Variants in CALHM5 observed in about 807,000 individuals in gnomAD.
The protein encoded by CALHM5 is calcium homeostasis modulator protein 5.
In CALHM5, 17 loss-of-function variants were observed where a neutral mutation model predicts 20.9. The observed-to-expected ratio is 0.82, with a 90% CI of 0.56 to 1.22. CALHM5 has a LOEUF of 1.22. Ranked by LOEUF, CALHM5 falls within the 50% of genes most tolerant of loss-of-function variation. The pLI is 0.00. For synonymous variants in CALHM5, 148 were observed against 140.0 expected, an observed-to-expected ratio of 1.06 and a Z score of -0.40; for missense variants, 360 against 364.6, an observed-to-expected ratio of 0.99 and a Z score of 0.10.
At position 116,511,954 on chromosome 6, in the gene CALHM5, A is replaced by G. The variant is rs1207361302; in HGVS notation, c.258A>G (p.Lys86=). The G allele has an allele frequency of 6.2e-7, 1 of 1,613,966 alleles. No homozygotes were observed. The highest frequency in any genetic ancestry group is 1.1e-5 in the South Asian group (1 of 91,084). The change falls in exon 1 of 2, where the codon AAA becomes AAG. Residue 86 remains lysine (K), a synonymous_variant. Transcript: ENST00000368599. ...CAGGCTGCTGTGTGAATCCCAGGAA[A>G]ATCTTTCCCAGAGGCCACAGCTGCC... ...LFTGCCVNPR[K]IFPRGHSCRF...
Position 116,521,205 on chromosome 6 carries a change from T to A in CALHM5, c.*5216T>A, listed in dbSNP as rs528842365. The A allele has an allele frequency of 6.6e-6, 1 of 152,044 alleles. No individual in the cohort carries two copies. Among genetic ancestry groups the A allele is most frequent in the Non-Finnish European group, 1.5e-5 (1 of 68,026 alleles). 9.4% of individuals were successfully genotyped at this position (152,044 alleles called of 1,614,324 possible). Reference sequence around the variant, plus strand: ...TGACAAATATATAACAAAATATATGTGCTATATATATTGTGTGTGTATATA... The same window carrying A: ...TGACAAATATATAACAAAATATATGAGCTATATATATTGTGTGTGTATATA... On this transcript the variant is annotated 3_prime_UTR_variant, in exon 2 of 2. Coordinates refer to ENST00000368599, the MANE Select transcript of CALHM5 (RefSeq NM_153711.5).
Position 116,512,195 on chromosome 6 carries a change from G to T in CALHM5, c.499G>T (p.Val167Phe). 1 of 1,607,556 alleles carries T rather than the reference G, an allele frequency of 6.2e-7. No homozygotes were observed. Among genetic ancestry groups the T allele is most frequent in the Admixed American group, 1.7e-5 (1 of 59,954 alleles). The stretch of plus-strand genomic sequence containing the variant: ...TGGCAAAACTAGCATGCTACCTACC[G>T]TCAATGAAGAACTGAAACTCTCCCT... ...SCGKTSMLPT[V>F]NEELKLSLQA... Residue 167 changes from valine (V) to phenylalanine (F), a missense_variant, in exon 1 of 2, where the codon GTC becomes TTC. Physicochemically the swap from Val to Phe is conservative, Grantham distance 50. Transcript: ENST00000368599.
rs151271478 is a variant in CALHM5 at position 116,512,131 on chromosome 6, G to A, written c.435G>A (p.Lys145=). The change falls in exon 1 of 2, where the codon AAG becomes AAA. Residue 145 remains lysine, a synonymous_variant. Coordinates refer to ENST00000368599, the MANE Select transcript of CALHM5 (RefSeq NM_153711.5). ...SGLLELICKG[K]PKECWEELHK... ...TCCTGGAACTGATTTGCAAGGGTAA[G>A]CCCAAAGAGTGCTGGGAAGAACTTC... 4.3e-4 allele frequency: 691 copies of A among 1,613,908 alleles called. 2 individuals are homozygous for A. Among genetic ancestry groups the A allele is most frequent in the African/African-American group, 3.9e-3 (289 of 75,044 alleles).
rs781003506 is a variant in CALHM5, at chr6:116,515,908, A to C, written c.849A>C (p.Arg283Ser). ...QSQQHYSTLHRVVDNGLQLSP... is the reference protein window; with the variant it reads ...QSQQHYSTLHSVVDNGLQLSP... ...AGCAACACTATAGCACCCTCCACAG[A>C]GTGGTGGACAATGGTCTGCAACTTA... The change falls in exon 2 of 2, where the codon AGA becomes AGC. Residue 283 changes from arginine to serine, a missense_variant. Coordinates refer to ENST00000368599, the MANE Select transcript of CALHM5 (RefSeq NM_153711.5). 3.1e-6 allele frequency: 5 copies of C among 1,613,804 alleles called. No individual in the cohort carries two copies. Among genetic ancestry groups the C allele is most frequent in the Non-Finnish European group, 4.2e-6 (5 of 1,179,826 alleles).
In CALHM5 at chr6:116,524,626, T is replaced by G. The variant is rs1772411334; in HGVS notation, c.*8637T>G. The G allele has an allele frequency of 6.6e-6, 1 of 152,200 alleles. No homozygotes were observed. Among genetic ancestry groups the G allele is most frequent in the African/African-American group, 2.4e-5 (1 of 41,458 alleles). The allele number at this position is 152,200 out of a possible 1,614,324, so 9.4% of individuals were successfully genotyped here. ...TCTTTCTTTATTACTAACAAGATGTTTTATCCTATATTCTCATTGGTTTCT... is the reference window on the plus strand; with the variant it reads ...TCTTTCTTTATTACTAACAAGATGTGTTATCCTATATTCTCATTGGTTTCT... On this transcript the variant is annotated 3_prime_UTR_variant, in exon 2 of 2. Coordinates refer to ENST00000368599, the MANE Select transcript of CALHM5 (RefSeq NM_153711.5).
rs911042144 is a variant in CALHM5, at chr6:116,523,288, T to C, written c.*7299T>C. 3 of 152,202 alleles carry C rather than the reference T, an allele frequency of 2.0e-5. No homozygotes were observed. Among genetic ancestry groups the C allele is most frequent in the African/African-American group, 7.2e-5 (3 of 41,460 alleles). 9.4% of individuals were successfully genotyped at this position (152,202 alleles called of 1,614,324 possible). On this transcript the variant is annotated 3_prime_UTR_variant, in exon 2 of 2. Coordinates refer to ENST00000368599, the MANE Select transcript of CALHM5 (RefSeq NM_153711.5). ...TCATTCAAGGATATATTTTGTCCTT[T>C]AGGAATATTTTAAAGTTTACTTCAC... is the stretch of plus-strand genomic sequence containing the variant.
At position 116,511,907 on chromosome 6, in the gene CALHM5, A is replaced by G; in HGVS notation, c.211A>G (p.Asn71Asp). The G allele has an allele frequency of 1.2e-6, 2 of 1,613,978 alleles. No homozygotes were observed. The highest frequency in any genetic ancestry group is 2.2e-5 in the South Asian group (2 of 91,080). Reference protein sequence around the residue: ...VLLILGFFLNNRSWRLFTGCC... With the variant: ...VLLILGFFLNDRSWRLFTGCC... Reference sequence around the variant, plus strand: ...ACTGATCCTGGGATTCTTTCTGAACAATAGGTCGTGGAGACTCTTCACAGG... The same window carrying G: ...ACTGATCCTGGGATTCTTTCTGAACGATAGGTCGTGGAGACTCTTCACAGG... The change falls in exon 1 of 2, where the codon AAT becomes GAT. Residue 71 changes from asparagine to aspartate, a missense_variant. Physicochemically the swap from Asn to Asp is conservative, Grantham distance 23. Coordinates refer to ENST00000368599, the MANE Select transcript of CALHM5 (RefSeq NM_153711.5).
At position 116,522,446 on chromosome 6, in the gene CALHM5, A is replaced by G. The variant is rs1772363181; in HGVS notation, c.*6457A>G. The G allele has an allele frequency of 6.6e-6, 1 of 152,250 alleles. No homozygotes were observed. The highest frequency in any genetic ancestry group is 6.5e-5 in the Admixed American group (1 of 15,288). 9.4% of individuals were successfully genotyped at this position (152,250 alleles called of 1,614,324 possible). A position where few individuals can be genotyped will look rare whatever the true frequency, so the allele number is the denominator to read the frequency against. ...AAAATTACAGGCAAATTGTATTTAT[A>G]CATTTATACATTCTCCCTATGCATA... On this transcript the variant is annotated 3_prime_UTR_variant, in exon 2 of 2. Coordinates refer to ENST00000368599, the MANE Select transcript of CALHM5 (RefSeq NM_153711.5).
In CALHM5 at chr6:116,511,932, G is replaced by T; in HGVS notation, c.236G>T (p.Gly79Val). Reference sequence around the variant, plus strand: ...AATAGGTCGTGGAGACTCTTCACAGGCTGCTGTGTGAATCCCAGGAAAATC... The same window carrying T: ...AATAGGTCGTGGAGACTCTTCACAGTCTGCTGTGTGAATCCCAGGAAAATC... ...LNNRSWRLFT[G>V]CCVNPRKIFP... is the part of the protein sequence containing the mutation. Residue 79 changes from glycine to valine, a missense_variant, in exon 1 of 2, where the codon GGC (glycine) becomes GTC (valine). Coordinates refer to ENST00000368599, the MANE Select transcript of CALHM5 (RefSeq NM_153711.5). The T allele has an allele frequency of 2.5e-6, 4 of 1,613,934 alleles. No homozygotes were observed. The highest frequency in any genetic ancestry group is 3.4e-6 in the Non-Finnish European group (4 of 1,179,994).
At position 116,512,079 on chromosome 6, in the gene CALHM5, C is replaced by T; in HGVS notation, c.383C>T (p.Ala128Val). 6.2e-7 allele frequency: 1 copy of T among 1,614,012 alleles called. No homozygotes were observed. Among genetic ancestry groups the T allele is most frequent in the South Asian group, 1.1e-5 (1 of 91,080 alleles). Residue 128 changes from alanine to valine, a missense_variant, in exon 1 of 2, where the codon GCC (alanine) becomes GTC (valine). Physicochemically the swap from Ala to Val is moderately conservative, Grantham distance 64 (BLOSUM62 0). Transcript: ENST00000368599. ...CTCAATGGAACTTTCTATGAATGTG[C>T]CATGAGCGGGACGAGAAGTTCAGGA... ...ALLNGTFYEC[A>V]MSGTRSSGLL...
At chr6:116,514,346 GC>G (rs2115166979) in intron 1 of CALHM5, among the ~76,000 whole-genome samples, 1 of 152,296 alleles carries the variant, frequency 6.6e-6, no homozygotes, top group East Asian at 1.9e-4. Flanking sequence ...ATATAAGGTA[GC>G]CAACCACAAT....
rs898882859 is a variant in CALHM5, at chr6:116,511,645, G to C, written c.-52G>C. On this transcript the variant is annotated 5_prime_UTR_variant, in exon 1 of 2. Transcript: ENST00000368599. ...AGCTCCACCCTCGGCCACTGCCACA[G>C]CTGCTCTGCCAATAACAAAGGCACA... The C allele has an allele frequency of 1.3e-5, 20 of 1,553,910 alleles. No individual in the cohort carries two copies. The African/African-American group carries it at 2.6e-4, about 20-fold the overall frequency.
Position 116,521,072 on chromosome 6 carries a change from A to T in CALHM5, c.*5083A>T, listed in dbSNP as rs980145637. The T allele has an allele frequency of 9.9e-5, 15 of 151,684 alleles. No homozygotes were observed. 9.4% of individuals were successfully genotyped at this position (151,684 alleles called of 1,614,324 possible). On this transcript the variant is annotated 3_prime_UTR_variant, in exon 2 of 2. Transcript: ENST00000368599. ...AGTACAACAGTATATATACATACATACATATATATGTGTGTGCATGTGTGT... is the reference window on the plus strand; with the variant it reads ...AGTACAACAGTATATATACATACATTCATATATATGTGTGTGCATGTGTGT...
chr6:116,515,577 C>T lies in CALHM5; in HGVS notation c.541-23C>T, dbSNP rs374487831. ...AAATGGCTTTGCTTTCACGTGTGTA[C>T]TCAATATTTCTTTCTTCTTAAGATT... On this transcript the variant is annotated intron_variant, in intron 1 of 1. Transcript: ENST00000368599. The T allele has an allele frequency of 3.8e-6, 6 of 1,586,222 alleles. No individual in the cohort carries two copies. In the African/African-American group the frequency reaches 8.1e-5, roughly 22 times the overall value.
At position 116,522,073 on chromosome 6, in the gene CALHM5, T is replaced by C. The variant is rs1487766102; in HGVS notation, c.*6084T>C. On this transcript the variant is annotated 3_prime_UTR_variant, in exon 2 of 2. Transcript: ENST00000368599. ...TCCCAATGGCTCCAATTGTCTCAGATATTCTAGCTTAGGGGTCAGGCATGT... is the reference window on the plus strand; with the variant it reads ...TCCCAATGGCTCCAATTGTCTCAGACATTCTAGCTTAGGGGTCAGGCATGT... 6.6e-6 allele frequency: 1 copy of C among 152,218 alleles called. No individual in the cohort carries two copies. Among genetic ancestry groups the C allele is most frequent in the African/African-American group, 2.4e-5 (1 of 41,440 alleles). The allele number at this position is 152,218 out of a possible 1,614,324, so 9.4% of individuals were successfully genotyped here.
rs1166036936 is a variant in CALHM5, at chr6:116,519,038, G to T, written c.*3049G>T. 1 of 152,234 alleles carries T rather than the reference G, an allele frequency of 6.6e-6. No homozygotes were observed. Among genetic ancestry groups the T allele is most frequent in the Non-Finnish European group, 1.5e-5 (1 of 68,064 alleles). The allele number at this position is 152,234 out of a possible 1,614,324, so 9.4% of individuals were successfully genotyped here. ...GTCCTGGAGGCAGTGGAGTAAGATA[G>T]GGAGAGCAAATTGGTGTCTGCTCTT... On this transcript the variant is annotated 3_prime_UTR_variant, in exon 2 of 2. Coordinates refer to ENST00000368599, the MANE Select transcript of CALHM5 (RefSeq NM_153711.5).
rs1338796950 is a variant in CALHM5, at chr6:116,519,222, T to G, written c.*3233T>G. The G allele has an allele frequency of 6.6e-6, 1 of 152,156 alleles. No individual in the cohort carries two copies. Among genetic ancestry groups the G allele is most frequent in the Admixed American group, 6.5e-5 (1 of 15,270 alleles). 9.4% of individuals were successfully genotyped at this position (152,156 alleles called of 1,614,324 possible). ...GTATACATGATTTATTAAAAGGAAA[T>G]CCTCTTAGGAGAAACATATTAGCAG... On this transcript the variant is annotated 3_prime_UTR_variant, in exon 2 of 2. Transcript: ENST00000368599.
At position 116,519,334 on chromosome 6, in the gene CALHM5, TG is replaced by T. The variant is rs3215662; in HGVS notation, c.*3352del. 62,854 of 151,976 alleles carry T rather than the reference TG, an allele frequency of 0.41. 14,601 individuals are homozygous for T. The highest frequency in any genetic ancestry group is 0.6 in the Middle Eastern group (175 of 294). The allele number at this position is 151,976 out of a possible 1,614,324, so 9.4% of individuals were successfully genotyped here. The stretch of plus-strand genomic sequence containing the variant: ...GGGACTTCAGCCTCAGCTTGACCTA[TG>T]GGGGGGCTCTGGAATGTCAGATTTC... On this transcript the variant is annotated 3_prime_UTR_variant, in exon 2 of 2. Coordinates refer to ENST00000368599, the MANE Select transcript of CALHM5 (RefSeq NM_153711.5).
In CALHM5 at chr6:116,517,585, A is replaced by T. The variant is rs1772253182; in HGVS notation, c.*1596A>T. The T allele has an allele frequency of 6.6e-6, 1 of 152,186 alleles. No individual in the cohort carries two copies. Among genetic ancestry groups the T allele is most frequent in the Non-Finnish European group, 1.5e-5 (1 of 68,026 alleles). 9.4% of individuals were successfully genotyped at this position (152,186 alleles called of 1,614,324 possible). On this transcript the variant is annotated 3_prime_UTR_variant, in exon 2 of 2. Coordinates refer to ENST00000368599, the MANE Select transcript of CALHM5 (RefSeq NM_153711.5). ...GCAAACTGAATCCTACAAGTATAGG[A>T]CCCAGAACATATCTATGTTATTGTC...
Sources: allele counts gnomAD v4.1 joint callset (sites outside exome capture counted in the v4.1 genomes callset), GRCh38; gene constraint gnomAD v4.1.1; transcripts MANE v1.5; gene names NCBI Gene and HGNC (gene_info 2026-07-23, HGNC 2026-07-21).